SHISA9: variants seen among roughly 807,000 people sequenced by gnomAD.
SHISA9 encodes the protein protein shisa-9.
Under a neutral mutation model 38.0 loss-of-function variants are expected in SHISA9, and 13 were observed. The ratio of observed to expected loss-of-function variants is 0.34; its 90% CI spans 0.22 to 0.54. SHISA9 has a LOEUF of 0.54. SHISA9 is among the 20% of genes least tolerant of loss of function. SHISA9 has a pLI of 0.91. For synonymous variants in SHISA9, 275 were observed against 242.0 expected (o/e 1.14, Z -1.27); for missense variants, 538 against 575.8 (o/e 0.93, Z 0.67).
chr16:13,244,086 A>G (rs897421553), downstream of SHISA9, among the ~76,000 whole-genome samples: 2 of 152,168 alleles, frequency 1.3e-5, no homozygotes, highest in African/African-American at 4.8e-5. Flanking sequence ...TCTAACAGCC[A>G]TGGGCTACTA....
At chr16:13,479,169 G>A in the SHISA9 span, among the ~76,000 whole-genome samples, 8 of 152,104 alleles carry the variant, frequency 5.3e-5, no homozygotes, top group South Asian at 2.1e-4. Context: ...CCTTTGTCTC[G>A]TCCCTTTCAC....
chr16:13,379,724 G>A, the SHISA9 span, among the ~76,000 whole-genome samples: 1 of 152,020 alleles, frequency 6.6e-6, no homozygotes, highest in African/African-American at 2.4e-5. Flanking sequence ...GCTATCTCTC[G>A]TTCCTTTCCT....
chr16:13,272,767 C>T, the SHISA9 span, among the ~76,000 whole-genome samples: 1 of 152,090 alleles, frequency 6.6e-6, no homozygotes, highest in African/African-American at 2.4e-5. Context: ...GTTATTAATC[C>T]CCTTTTCCTC....
chr16:13,407,173 T>C, the SHISA9 span, among the ~76,000 whole-genome samples: 4 of 150,296 alleles, frequency 2.7e-5, no homozygotes, highest in Admixed American at 2.7e-4. Flanking sequence ...TTATCAACAA[T>C]GGAAATTTAT....
chr16:13,037,298 C>G (rs1451046434), intron 2 of SHISA9, among the ~76,000 whole-genome samples: 1 of 152,046 alleles, frequency 6.6e-6, no homozygotes, highest in East Asian at 1.9e-4. Context: ...ATTACAGGTA[C>G]ATTTTCCCAA....
chr16:13,103,949 C>T (rs977676592), intron 2 of SHISA9, among the ~76,000 whole-genome samples: 1 of 152,148 alleles, frequency 6.6e-6, no homozygotes, highest in Non-Finnish European at 1.5e-5. Flanking sequence ...CTCCAAGCTC[C>T]AAAGCCATCC....
chr16:13,466,561 T>G, the SHISA9 span, among the ~76,000 whole-genome samples: 3 of 152,088 alleles, frequency 2.0e-5, no homozygotes. Context: ...AATGGGTAGT[T>G]GTTGTTGTTG....
the SHISA9 span, among the ~76,000 whole-genome samples, chr16:13,357,566 G>A: frequency 6.6e-6 from 1 of 152,186 alleles, no homozygotes; most frequent in African/African-American, 2.4e-5. Context: ...CCGAGTCACA[G>A]CACCAAATTT....
At chr16:13,031,167 G>T (rs539423903) in intron 2 of SHISA9, among the ~76,000 whole-genome samples, 5 of 152,254 alleles carry the variant, frequency 3.3e-5, no homozygotes, top group African/African-American at 1.2e-4. Flanking sequence ...AATTACTGGG[G>T]ATCCACAGTC....
At chr16:13,319,601 C>T in the SHISA9 span, among the ~76,000 whole-genome samples, 2 of 152,110 alleles carry the variant, frequency 1.3e-5, no homozygotes, top group Non-Finnish European at 2.9e-5. Context: ...TTGTTGCTCC[C>T]TCTCTGCCAT....
At chr16:13,044,623 G>GGTTA (rs2073166636) in intron 2 of SHISA9, among the ~76,000 whole-genome samples, 1 of 152,164 alleles carries the variant, frequency 6.6e-6, no homozygotes, top group Non-Finnish European at 1.5e-5. Context: ...CAGACCTGAT[G>GGTTA]GTTAGTAAGG....
the SHISA9 span, among the ~76,000 whole-genome samples, chr16:13,246,840 TCTGA>T: frequency 4.7e-4 from 72 of 152,154 alleles, no homozygotes; most frequent in African/African-American, 1.7e-3. Flanking sequence ...TAGAACTGTA[TCTGA>T]CTATTTAAAA....
chr16:13,230,908 G>C (rs1283195335), intron 4 of SHISA9, among the ~76,000 whole-genome samples: 1 of 152,176 alleles, frequency 6.6e-6, no homozygotes, highest in Non-Finnish European at 1.5e-5. Flanking sequence ...TGGTGGGAGT[G>C]TAGCAGTGAG....
chr16:13,091,738 G>C (rs1283241733), intron 2 of SHISA9, among the ~76,000 whole-genome samples: 1 of 152,102 alleles, frequency 6.6e-6, no homozygotes, highest in Non-Finnish European at 1.5e-5. Context: ...CTTGCAATGG[G>C]TTCACACATC....
At chr16:12,925,631 C>G (rs1417224428) in intron 2 of SHISA9, among the ~76,000 whole-genome samples, 1 of 152,190 alleles carries the variant, frequency 6.6e-6, no homozygotes, top group Non-Finnish European at 1.5e-5. Flanking sequence ...AGCTGTAGGA[C>G]TATTTGTAAA....
intron 2 of SHISA9, among the ~76,000 whole-genome samples, chr16:13,139,064 A>C (rs1340365974): frequency 2.0e-5 from 3 of 152,148 alleles, no homozygotes; most frequent in African/African-American, 7.2e-5. Flanking sequence ...TGTCACCACT[A>C]CAGTGCCATT....
intron 2 of SHISA9, among the ~76,000 whole-genome samples, chr16:13,004,667 G>A (rs1198516566): frequency 4.6e-5 from 7 of 152,020 alleles, no homozygotes; most frequent in Admixed American, 3.9e-4. Context: ...GCTCATGCCT[G>A]TAATCCTAGC....
chr16:13,107,512 C>G (rs1028209679), intron 2 of SHISA9, among the ~76,000 whole-genome samples: 25 of 131,018 alleles, frequency 1.9e-4, no homozygotes, highest in Admixed American at 6.3e-4. Flanking sequence ...CACACACACA[C>G]ACAGAGTTAA....
chr16:13,444,783 C>G, the SHISA9 span, among the ~76,000 whole-genome samples: 1 of 144,736 alleles, frequency 6.9e-6, no homozygotes, highest in African/African-American at 2.8e-5. Context: ...TCTTTCTTCC[C>G]TCCCTCTTCC....
Sources: gnomAD v4.1 joint callset for allele counts (sites outside exome capture counted in the v4.1 genomes callset) on GRCh38, gnomAD v4.1.1 for gene constraint, MANE v1.5 for transcripts, NCBI Gene and HGNC (gene_info 2026-07-23, HGNC 2026-07-21) for gene names.